Variants in DOK6 observed in about 807,000 individuals in gnomAD.
DOK6 encodes downstream of tyrosine kinase 6.
In DOK6, 22 loss-of-function variants were observed where a neutral mutation model predicts 44.0. That is an observed-to-expected ratio of 0.50 (90% CI 0.36 to 0.71). The LOEUF (loss-of-function observed/expected upper bound fraction) is 0.71, where lower values mean the gene tolerates loss of function less well. Ranked by LOEUF, DOK6 falls within the 30% of genes least tolerant of loss-of-function variation. The pLI is 0.00. For synonymous variants in DOK6, 166 were observed against 145.5 expected, an observed-to-expected ratio of 1.14 and a Z score of -1.01; for missense variants, 340 against 416.4, an observed-to-expected ratio of 0.82 and a Z score of 1.60.
Position 69,474,562 on chromosome 18 carries a change from G to A in DOK6, c.66+73252G>A, listed in dbSNP as rs540402806. Among the ~76,000 whole-genome samples, 3 of 152,234 alleles carry A rather than the reference G, an allele frequency of 2.0e-5. No individual in the cohort carries two copies. The South Asian group carries it at 6.2e-4, about 32-fold the overall frequency. On this transcript the variant is annotated intron_variant, in intron 1 of 7. Coordinates refer to ENST00000382713, the MANE Select transcript of DOK6 (RefSeq NM_152721.6). ...TTGACTTTTGATATGGTTTGTACAT[G>A]GTTTAATGTATTCCAAAGGCCCATT...
At chr18:69,405,780 A>G (rs1238315863) in intron 1 of DOK6, among the ~76,000 whole-genome samples, 1 of 152,190 alleles carries the variant, frequency 6.6e-6, no homozygotes, top group Non-Finnish European at 1.5e-5. Flanking sequence ...GATGCAATAA[A>G]TATATTTAAG....
intron 5 of DOK6, among the ~76,000 whole-genome samples, chr18:69,706,944 T>C (rs1167329039): frequency 6.6e-6 from 1 of 151,920 alleles, no homozygotes. Flanking sequence ...TTGTTGGACA[T>C]TTGGATTGGT....
chr18:69,501,667 A>G lies in DOK6; in HGVS notation c.67-62820A>G, dbSNP rs572894938. Among the ~76,000 whole-genome samples, 18 of 152,264 alleles carry G rather than the reference A, an allele frequency of 1.2e-4. No homozygotes were observed. The South Asian group carries it at 3.7e-3, about 32-fold the overall frequency. ...GCCTAATTACAGTTGGGACACATGG[A>G]ACCTCTTTAGCTTTTCTGATAAGTC... is the stretch of plus-strand genomic sequence containing the variant. On this transcript the variant is annotated intron_variant, in intron 1 of 7. Coordinates refer to ENST00000382713, the MANE Select transcript of DOK6 (RefSeq NM_152721.6).
intron 5 of DOK6, among the ~76,000 whole-genome samples, chr18:69,700,216 CATATAT>C (rs61078235): frequency 4.0e-5 from 5 of 124,752 alleles, no homozygotes; most frequent in Admixed American, 8.2e-5. Flanking sequence ...CATATATATA[CATATAT>C]ATATATATAT....
At chr18:69,774,364 G>A (rs1050846306) in intron 7 of DOK6, among the ~76,000 whole-genome samples, 53 of 151,280 alleles carry the variant, frequency 3.5e-4, no homozygotes, top group African/African-American at 1.3e-3. Flanking sequence ...GGAAAAGGGC[G>A]GGAAGGGGGT....
intron 1 of DOK6, among the ~76,000 whole-genome samples, chr18:69,424,642 T>G (rs944910910): frequency 1.5e-5 from 2 of 134,558 alleles, no homozygotes; most frequent in African/African-American, 2.8e-5. Flanking sequence ...ATTTTTTGTC[T>G]TACTCAAGAA....
At chr18:69,715,074 C>T (rs1414508984) in intron 5 of DOK6, among the ~76,000 whole-genome samples, 1 of 152,106 alleles carries the variant, frequency 6.6e-6, no homozygotes, top group African/African-American at 2.4e-5. Context: ...TTACGTTATA[C>T]ATGTCTCCCA....
intron 1 of DOK6, among the ~76,000 whole-genome samples, chr18:69,551,730 T>C (rs1034927898): frequency 1.3e-5 from 2 of 152,194 alleles, no homozygotes; most frequent in Non-Finnish European, 2.9e-5. Context: ...TTCCAGTGGC[T>C]TTTAGGAAAT....
chr18:69,425,263 GT>G (rs1210169263), intron 1 of DOK6, among the ~76,000 whole-genome samples: 1 of 151,730 alleles, frequency 6.6e-6, no homozygotes, highest in Non-Finnish European at 1.5e-5. Flanking sequence ...ATATATTTAT[GT>G]TTATATAATA....
intron 7 of DOK6, among the ~76,000 whole-genome samples, chr18:69,820,386 C>G (rs1981533844): frequency 6.6e-6 from 1 of 152,074 alleles, no homozygotes; most frequent in Non-Finnish European, 1.5e-5. Context: ...AGCAGAATCC[C>G]AAATAATTTT....
chr18:69,668,882 A>G (rs2144678245), intron 3 of DOK6, among the ~76,000 whole-genome samples: 1 of 152,346 alleles, frequency 6.6e-6, no homozygotes, highest in African/African-American at 2.4e-5. Flanking sequence ...TGTAATTAAA[A>G]GTACTTTGTC....
In DOK6 at chr18:69,563,448, A is replaced by T. The variant is rs1261372188; in HGVS notation, c.67-1039A>T. On this transcript the variant is annotated intron_variant, in intron 1 of 7. Transcript: ENST00000382713. ...TGCATGAAGAAAATATGGCACATAT[A>T]CACCATGGAATACTATGCAGCCATA... is the stretch of plus-strand genomic sequence containing the variant. Among the ~76,000 whole-genome samples the T allele has an allele frequency of 1.5e-4, 23 of 152,354 alleles. No individual in the cohort carries two copies. The East Asian group carries it at 3.7e-3, about 24-fold the overall frequency.
chr18:69,584,375 C>T (rs58853681), intron 2 of DOK6, among the ~76,000 whole-genome samples: 1 of 152,032 alleles, frequency 6.6e-6, no homozygotes, highest in Non-Finnish European at 1.5e-5. Context: ...CAACCTCCAC[C>T]TCTGGGTTCA....
intron 1 of DOK6, among the ~76,000 whole-genome samples, chr18:69,466,805 G>A (rs1318530032): frequency 6.6e-6 from 1 of 151,532 alleles, no homozygotes; most frequent in Non-Finnish European, 1.5e-5. Flanking sequence ...GAGGGAGGGA[G>A]GAAAGAAGGA....
At chr18:69,698,321 T>C in intron 4 of DOK6, 83 bp from the exon 5 acceptor site, 23 of 1,278,446 alleles carry the variant, frequency 1.8e-5, no homozygotes, top group Non-Finnish European at 2.3e-5. Flanking sequence ...CTGCAGTCTG[T>C]AGATAAACAA....
chr18:69,458,553 A>G (rs562894793), intron 1 of DOK6, among the ~76,000 whole-genome samples: 1 of 152,322 alleles, frequency 6.6e-6, no homozygotes, highest in East Asian at 1.9e-4. Flanking sequence ...GAAGTCAGGC[A>G]AGGGAAAGGA....
rs186596784 is a variant in DOK6, at chr18:69,509,376, G to A, written c.67-55111G>A. Among the ~76,000 whole-genome samples, 6 of 152,204 alleles carry A rather than the reference G, an allele frequency of 3.9e-5. No individual in the cohort carries two copies. In the East Asian group the frequency reaches 5.8e-4, roughly 15 times the overall value. ...GATATGGCCGGGCGCGGTGGTTCAC[G>A]CCTGTAATCCCAGCACTTTGGGAGG... On this transcript the variant is annotated intron_variant, in intron 1 of 7. Transcript: ENST00000382713.
At chr18:69,784,237 T>G (rs944283317) in intron 7 of DOK6, among the ~76,000 whole-genome samples, 2 of 152,136 alleles carry the variant, frequency 1.3e-5, no homozygotes, top group African/African-American at 4.8e-5. Flanking sequence ...ATCATTACCA[T>G]CATAACGGAT....
At chr18:69,800,481 T>C (rs1233734998) in intron 7 of DOK6, among the ~76,000 whole-genome samples, 1 of 152,204 alleles carries the variant, frequency 6.6e-6, no homozygotes, top group Non-Finnish European at 1.5e-5. Context: ...TTTATCTGTA[T>C]ACATGTGTAA....
Sources: gnomAD v4.1 joint callset for allele counts (sites outside exome capture counted in the v4.1 genomes callset) on GRCh38, gnomAD v4.1.1 for gene constraint, MANE v1.5 for transcripts, NCBI Gene and HGNC (gene_info 2026-07-23, HGNC 2026-07-21) for gene names.